MSRA: variants seen among roughly 807,000 people sequenced by gnomAD.
MSRA encodes methionine sulfoxide reductase A, also known as mitochondrial peptide methionine sulfoxide reductase.
In MSRA, 54 loss-of-function variants were observed where a neutral mutation model predicts 31.3. That is an observed-to-expected ratio of 1.73 (90% confidence interval 1.39 to 2.17). The LOEUF (loss-of-function observed/expected upper bound fraction) is 2.17. MSRA is among the 30% of genes most tolerant of loss of function. The pLI is 0.00. For missense variants in MSRA, 507 were observed against 300.9 expected, an observed-to-expected ratio of 1.69 and a Z score of -5.07; for synonymous variants, 169 against 116.5, an observed-to-expected ratio of 1.45 and a Z score of -2.90.
In MSRA at chr8:10,145,447, C is replaced by T. The variant is rs1479678979; in HGVS notation, c.143-62386C>T. Among the ~76,000 whole-genome samples the T allele has an allele frequency of 2.0e-5, 3 of 152,254 alleles. No homozygotes were observed. In the South Asian group the frequency reaches 6.2e-4, roughly 32 times the overall value. On this transcript the variant is annotated intron_variant, in intron 1 of 5. Transcript: ENST00000317173. ...TTGTTGATTCAGGCTGTGTTTTAGC[C>T]TGAAGAGTGTACCATCTGATTTTTT...
At chr8:10,379,636 C>G (rs1184188060) in intron 5 of MSRA, among the ~76,000 whole-genome samples, 1 of 152,226 alleles carries the variant, frequency 6.6e-6, no homozygotes, top group Non-Finnish European at 1.5e-5. Flanking sequence ...CCAGCACACC[C>G]TCTAGTGGTA....
At chr8:10,378,266 G>C (rs1231770798) in intron 5 of MSRA, among the ~76,000 whole-genome samples, 1 of 152,150 alleles carries the variant, frequency 6.6e-6, no homozygotes. Context: ...TGTGGTGCTA[G>C]CAGCCTGCGT....
chr8:10,159,588 T>C (rs1464939181), intron 1 of MSRA, among the ~76,000 whole-genome samples: 2 of 152,236 alleles, frequency 1.3e-5, no homozygotes, highest in Non-Finnish European at 2.9e-5. Context: ...CTTCACTTTA[T>C]TGAAATTTGT....
chr8:10,168,721 C>T (rs1441760049), intron 1 of MSRA, among the ~76,000 whole-genome samples: 1 of 152,174 alleles, frequency 6.6e-6, no homozygotes, highest in African/African-American at 2.4e-5. Flanking sequence ...GTGCCCATCC[C>T]TTGCGGGGAT....
intron 3 of MSRA, among the ~76,000 whole-genome samples, chr8:10,259,124 C>G (rs985860420): frequency 1.3e-5 from 2 of 150,862 alleles, no homozygotes; most frequent in East Asian, 3.9e-4. Flanking sequence ...AAAAAAGAGG[C>G]AGATATATAT....
intron 3 of MSRA, among the ~76,000 whole-genome samples, chr8:10,283,571 T>G (rs2129108774): frequency 6.6e-6 from 1 of 151,906 alleles, no homozygotes; most frequent in East Asian, 1.9e-4. Context: ...GAATTTGTAG[T>G]ATTTTATCTC....
intron 1 of MSRA, among the ~76,000 whole-genome samples, chr8:10,064,599 G>T (rs938904087): frequency 6.6e-6 from 1 of 152,084 alleles, no homozygotes; most frequent in East Asian, 1.9e-4. Flanking sequence ...TAGGAACATC[G>T]GATGTCTTCC....
At chr8:10,419,357 A>G (rs894369635) in intron 5 of MSRA, among the ~76,000 whole-genome samples, 1 of 152,194 alleles carries the variant, frequency 6.6e-6, no homozygotes, top group Non-Finnish European at 1.5e-5. Flanking sequence ...GAATTTGAGT[A>G]AGGCATGTGA....
chr8:10,272,260 G>T (rs1213366120), intron 3 of MSRA, among the ~76,000 whole-genome samples: 1 of 152,170 alleles, frequency 6.6e-6, no homozygotes, highest in East Asian at 1.9e-4. Context: ...GTATTATAAA[G>T]AATTGGCTCA....
At chr8:10,209,504 G>A (rs1809290683) in intron 2 of MSRA, among the ~76,000 whole-genome samples, 1 of 152,212 alleles carries the variant, frequency 6.6e-6, no homozygotes, top group Non-Finnish European at 1.5e-5. Flanking sequence ...ATGAGGCTCT[G>A]TGGCAAGTCT....
At chr8:10,164,695 A>G (rs1335144240) in intron 1 of MSRA, among the ~76,000 whole-genome samples, 1 of 152,112 alleles carries the variant, frequency 6.6e-6, no homozygotes, top group South Asian at 2.1e-4. Context: ...AAAAAATGTT[A>G]GTTTCCTTTC....
At chr8:10,229,515 G>T (rs1811280591) in intron 2 of MSRA, among the ~76,000 whole-genome samples, 1 of 152,158 alleles carries the variant, frequency 6.6e-6, no homozygotes, top group Non-Finnish European at 1.5e-5. Flanking sequence ...GTGACCAGAG[G>T]AGCAGCTCTG....
intron 2 of MSRA, among the ~76,000 whole-genome samples, chr8:10,210,102 A>G (rs1809343003): frequency 6.6e-6 from 1 of 152,140 alleles, no homozygotes; most frequent in African/African-American, 2.4e-5. Context: ...GACTTCTGCC[A>G]TTCTGGGTTG....
At chr8:10,297,461 A>G (rs1010668517) in intron 3 of MSRA, among the ~76,000 whole-genome samples, 13 of 152,166 alleles carry the variant, frequency 8.5e-5, no homozygotes, top group Admixed American at 2.0e-4. Flanking sequence ...GGCTTGAAGT[A>G]TTTTTAAGAT....
chr8:10,106,087 G>T (rs954012334), intron 1 of MSRA, among the ~76,000 whole-genome samples: 3 of 152,216 alleles, frequency 2.0e-5, no homozygotes, highest in Admixed American at 1.3e-4. Context: ...GCACCACTGC[G>T]TGTCTGCTGA....
intron 1 of MSRA, among the ~76,000 whole-genome samples, chr8:10,152,310 A>C (rs983597972): frequency 1.3e-5 from 2 of 152,224 alleles, no homozygotes; most frequent in African/African-American, 4.8e-5. Context: ...TAAAAGTATA[A>C]ATATGTCCAA....
intron 2 of MSRA, among the ~76,000 whole-genome samples, chr8:10,217,101 AT>A (rs1386000761): frequency 1.3e-5 from 2 of 152,168 alleles, no homozygotes; most frequent in Non-Finnish European, 2.9e-5. Flanking sequence ...AGCCATCCTA[AT>A]GGGTGTGAAA....
Position 10,273,192 on chromosome 8 carries a change from G to GTTAGCATTTAAGTCGA in MSRA, c.331+27981_331+27996dup, listed in dbSNP as rs1270429728. 2.5e-4 allele frequency among the ~76,000 whole-genome samples: 38 copies of GTTAGCATTTAAGTCGA among 152,288 alleles called. 1 individual carries two copies. Among genetic ancestry groups the GTTAGCATTTAAGTCGA allele is most frequent in the African/African-American group, 8.7e-4 (36 of 41,570 alleles). ...TAAGTTATAGTGAGTTGTTCAATCT[G>GTTAGCATTTAAGTCGA]TTAGCATTTAAGTCGATTAGCATTT... On this transcript the variant is annotated intron_variant, in intron 3 of 5. Coordinates refer to ENST00000317173, the MANE Select transcript of MSRA (RefSeq NM_012331.5).
chr8:10,068,615 A>C (rs1440283513), intron 1 of MSRA, among the ~76,000 whole-genome samples: 1 of 152,220 alleles, frequency 6.6e-6, no homozygotes, highest in Non-Finnish European at 1.5e-5. Flanking sequence ...TGAGTTGACC[A>C]TATTTATGTG....
Sources: allele counts gnomAD v4.1 joint callset (sites outside exome capture counted in the v4.1 genomes callset), GRCh38; gene constraint gnomAD v4.1.1; transcripts MANE v1.5; gene names NCBI Gene and HGNC (gene_info 2026-07-23, HGNC 2026-07-21).